TOPBP1: variants seen among roughly 807,000 people sequenced by gnomAD.
TOPBP1 encodes the protein DNA topoisomerase 2-binding protein 1.
In TOPBP1, 28 loss-of-function variants were observed where a neutral mutation model predicts 167.7. The observed-to-expected ratio is 0.17, with a 90% confidence interval of 0.12 to 0.23. The LOEUF (loss-of-function observed/expected upper bound fraction) is 0.23. Among genes scored for constraint, TOPBP1 ranks in the 10% least tolerant of loss-of-function variants. The probability of loss-of-function intolerance (pLI) is 1.00; values close to 1 mark genes in which losing one functional copy is unlikely to be tolerated. For missense variants in TOPBP1, 1,554 were observed against 1,809.6 expected (o/e 0.86, Z 2.56); for synonymous variants, 598 against 611.4 (o/e 0.98, Z 0.32).
At chr3:133,629,960 G>A (rs184054312) in intron 14 of TOPBP1, among the ~76,000 whole-genome samples, 93 of 151,562 alleles carry the variant, frequency 6.1e-4, no homozygotes, top group Admixed American at 3.9e-3. Context: ...CTAATTTTTC[G>A]TATTTTTAGT....
At chr3:133,629,880 G>A (rs1935407199) in intron 14 of TOPBP1, among the ~76,000 whole-genome samples, 1 of 152,004 alleles carries the variant, frequency 6.6e-6, no homozygotes, top group Non-Finnish European at 1.5e-5. Flanking sequence ...TCTGCCTCCT[G>A]GGTTCAAGCG....
chr3:133,604,932 C>T (rs1934440502), intron 27 of TOPBP1, among the ~76,000 whole-genome samples: 1 of 150,936 alleles, frequency 6.6e-6, no homozygotes, highest in South Asian at 2.1e-4. Context: ...AATAAAAATA[C>T]AAAAAAAGAA....
rs555964673 is a variant in TOPBP1, at chr3:133,652,614, T to C, written c.938A>G (p.Asp313Gly). The C allele has an allele frequency of 3.1e-6, 5 of 1,609,440 alleles. No homozygotes were observed. The South Asian group carries it at 5.5e-5, about 18-fold the overall frequency. Reference sequence around the variant, plus strand: ...ATTTATGTTGGAAATATTGCTGACATCTGAAAGAGTACGACCTACATATTT... The same window carrying C: ...ATTTATGTTGGAAATATTGCTGACACCTGAAAGAGTACGACCTACATATTT... ...INTIDSRTLS[D>G]VSNISNINAS... Residue 313 changes from aspartate (D) to glycine (G), a missense_variant, in exon 8 of 28, where the codon GAT (aspartate) becomes GGT (glycine). Physicochemically the swap from Asp to Gly is moderately conservative, Grantham distance 94. This residue lies in a region of TOPBP1 where 1,197 missense variants were observed against 1,351.5 expected (regional missense o/e 0.89). Coordinates refer to ENST00000260810, the MANE Select transcript of TOPBP1 (RefSeq NM_007027.4).
At chr3:133,622,025 G>C (rs760249121) in intron 19 of TOPBP1, among the ~76,000 whole-genome samples, 12 of 151,354 alleles carry the variant, frequency 7.9e-5, no homozygotes, top group Middle Eastern at 3.4e-3. Context: ...AGAGGGAAAG[G>C]AGAGGAAGGG....
intron 14 of TOPBP1, among the ~76,000 whole-genome samples, chr3:133,636,066 T>A (rs1476387906): frequency 1.2e-5 from 1 of 80,938 alleles, no homozygotes; most frequent in Non-Finnish European, 2.8e-5. Context: ...AAAACAAGCA[T>A]AACAAAACTA....
chr3:133,651,330 G>A (rs1421558771), intron 8 of TOPBP1, among the ~76,000 whole-genome samples: 3 of 151,512 alleles, frequency 2.0e-5, no homozygotes, highest in Non-Finnish European at 2.9e-5. Flanking sequence ...GGGATTACAG[G>A]GGCCTGCCAC....
intron 12 of TOPBP1, among the ~76,000 whole-genome samples, chr3:133,640,449 T>C (rs62282421): frequency 0.14 from 21,455 of 152,184 alleles, 1,861 homozygotes; most frequent in Non-Finnish European, 0.2. Context: ...CTTGCTATGT[T>C]GTCCAGACTG....
Position 133,608,950 on chromosome 3 carries a change from C to T in TOPBP1, c.4186G>A (p.Gly1396Arg), listed in dbSNP as rs761523437. ...ESGIVEGAFS[G>R]WKVILHVDQS... ...TCCACATGTAAAATAACCTTCCACC[C>T]ACTAAATGCTCCCTACAAATAAAAA... The change falls in exon 26 of 28, where the codon GGG becomes AGG. Residue 1396 changes from glycine (G) to arginine (R), a missense_variant. By Grantham distance (125) the Gly-to-Arg change is moderately radical. Transcript: ENST00000260810. 5 of 1,611,474 alleles carry T rather than the reference C, an allele frequency of 3.1e-6. No individual in the cohort carries two copies. The African/African-American group carries it at 5.3e-5, about 17-fold the overall frequency.
chr3:133,640,248 C>G (rs1420547071), intron 12 of TOPBP1, 78 bp from the exon 13 acceptor site: 3 of 1,243,218 alleles, frequency 2.4e-6, no homozygotes, highest in African/African-American at 1.5e-5. Context: ...TCCAACACAA[C>G]AGTGTGGTTA....
chr3:133,623,470 G>A lies in TOPBP1; in HGVS notation c.2929-13C>T. ...ACTCTTGGGCACACTGCAATACAAT[G>A]GTGTGCTTTAAGACAGGACTGACAA... On this transcript the variant is annotated splice_polypyrimidine_tract_variant and intron_variant, in intron 17 of 27. Coordinates refer to ENST00000260810, the MANE Select transcript of TOPBP1 (RefSeq NM_007027.4). The A allele has an allele frequency of 6.2e-7, 1 of 1,600,590 alleles. No individual in the cohort carries two copies. Among genetic ancestry groups the A allele is most frequent in the East Asian group, 2.2e-5 (1 of 44,540 alleles).
chr3:133,660,475 T>A (rs956760003), intron 2 of TOPBP1, among the ~76,000 whole-genome samples: 1 of 152,152 alleles, frequency 6.6e-6, no homozygotes, highest in African/African-American at 2.4e-5. Flanking sequence ...TGAATGAAGT[T>A]TAAAAAAATC....
rs753578628 is a variant in TOPBP1, at chr3:133,661,033, T to A, written c.84+11A>T. 5.0e-5 allele frequency: 78 copies of A among 1,562,450 alleles called. No homozygotes were observed. Among genetic ancestry groups the A allele is most frequent in the Non-Finnish European group, 9.5e-6 (11 of 1,159,994 alleles). ...ATGAATTCACGGTATTAAGATGTTT[T>A]CAACTCTTACCTCGAGAGCTTTAAA... On this transcript the variant is annotated intron_variant, in intron 2 of 27. Transcript: ENST00000260810.
intron 10 of TOPBP1, among the ~76,000 whole-genome samples, chr3:133,649,007 A>G (rs1283757177): frequency 6.6e-6 from 1 of 152,154 alleles, no homozygotes; most frequent in Non-Finnish European, 1.5e-5. Flanking sequence ...TTACTACATG[A>G]TAAGAGTACA....
intron 14 of TOPBP1, among the ~76,000 whole-genome samples, chr3:133,636,292 G>C (rs1228174926): frequency 6.6e-6 from 1 of 151,926 alleles, no homozygotes; most frequent in Non-Finnish European, 1.5e-5. Flanking sequence ...TTTGAGGGGG[G>C]CAAGGGTGAG....
chr3:133,627,814 T>C (rs1935315386), intron 16 of TOPBP1, among the ~76,000 whole-genome samples: 1 of 152,048 alleles, frequency 6.6e-6, no homozygotes, highest in South Asian at 2.1e-4. Context: ...AGAGATCTGT[T>C]TTCAGCTTAG....
intron 2 of TOPBP1, 40 bp downstream of exon 2, chr3:133,661,004 G>C: frequency 6.9e-7 from 1 of 1,447,692 alleles, no homozygotes; most frequent in Non-Finnish European, 9.3e-7. Context: ...TTAAAAACAA[G>C]AAAATGAATT....
intron 14 of TOPBP1, among the ~76,000 whole-genome samples, chr3:133,636,476 G>C (rs899566063): frequency 6.6e-6 from 1 of 151,850 alleles, no homozygotes; most frequent in African/African-American, 2.4e-5. Flanking sequence ...CATTATTTAT[G>C]TGCCATCAAA....
In TOPBP1 at chr3:133,611,111, T is replaced by C; in HGVS notation, c.4066A>G (p.Ile1356Val). 1.2e-6 allele frequency: 2 copies of C among 1,613,042 alleles called. No individual in the cohort carries two copies. Among genetic ancestry groups the C allele is most frequent in the Non-Finnish European group, 1.7e-6 (2 of 1,179,358 alleles). The change falls in exon 25 of 28, where the codon ATA becomes GTA. Residue 1356 changes from isoleucine (I) to valine (V), a missense_variant. By Grantham distance (29) the Ile-to-Val change is conservative. Around this residue, in one of 3 missense-constraint regions of TOPBP1, gnomAD observed 351 missense variants for 432.9 expected, o/e 0.81. Coordinates refer to ENST00000260810, the MANE Select transcript of TOPBP1 (RefSeq NM_007027.4). Reference sequence around the variant, plus strand: ...TTGATTCCAGTCAGAACATCAAGTATGGAACTACTTCCCCATTCATAGTCT... The same window carrying C: ...TTGATTCCAGTCAGAACATCAAGTACGGAACTACTTCCCCATTCATAGTCT... Reference protein sequence around the residue: ...EEDYEWGSSSILDVLTGINVQ... With the variant: ...EEDYEWGSSSVLDVLTGINVQ...
At chr3:133,655,515 CAT>C in intron 5 of TOPBP1, 29 bp from the exon 6 acceptor site, 1 of 1,216,654 alleles carries the variant, frequency 8.2e-7, no homozygotes, top group Non-Finnish European at 1.1e-6. Flanking sequence ...TAAAAAAGAA[CAT>C]ATTAAATTTA....
Sources: allele counts gnomAD v4.1 joint callset (sites outside exome capture counted in the v4.1 genomes callset), GRCh38; gene constraint gnomAD v4.1.1; regional missense constraint gnomAD v4.1.1; transcripts MANE v1.5; gene names NCBI Gene and HGNC (gene_info 2026-07-23, HGNC 2026-07-21).